The following NTRK3 variants were observed in gnomAD, a reference collection of about 807,000 sequenced individuals.
NTRK3 encodes the protein neurotrophic receptor tyrosine kinase 3.
Under a neutral mutation model 91.7 loss-of-function variants are expected in NTRK3, and 24 were observed. The ratio of observed to expected loss-of-function variants is 0.26; its 90% confidence interval spans 0.19 to 0.37. NTRK3 has a LOEUF of 0.37. Ranked by LOEUF, NTRK3 falls within the 10% of genes least tolerant of loss-of-function variation. NTRK3 has a pLI of 1.00. For synonymous variants in NTRK3, 483 were observed against 404.0 expected (o/e 1.20, Z -2.34); for missense variants, 880 against 1,068.9 (o/e 0.82, Z 2.46).
exon 19 of NTRK3, chr15:87,872,390 A>C (rs543175056): frequency 3.2e-4 from 73 of 225,660 alleles, no homozygotes; most frequent in Non-Finnish European, 5.2e-4. Context: ...AATAGTCTGC[A>C]ACTTAAGACG....
chr15:88,205,637 G>A (rs1181001986), intron 3 of NTRK3, among the ~76,000 whole-genome samples: 1 of 152,144 alleles, frequency 6.6e-6, no homozygotes, highest in Non-Finnish European at 1.5e-5. Context: ...CTGAACAAGG[G>A]CTATCCTAAG....
chr15:88,139,935 T>TG (rs1250512649), intron 6 of NTRK3, among the ~76,000 whole-genome samples: 10 of 21,178 alleles, frequency 4.7e-4, no homozygotes. Flanking sequence ...GGGGGGAGTG[T>TG]GGGGGGTGGG....
At chr15:88,128,856 G>A (rs1363810660) in intron 10 of NTRK3, 122 bp from the exon 11 acceptor site, 9 of 890,630 alleles carry the variant, frequency 1.0e-5, no homozygotes, top group South Asian at 2.7e-5. Flanking sequence ...CATGGCAACT[G>A]ACAAACTAAA....
At chr15:88,079,153 C>T (rs2047823510) in intron 13 of NTRK3, among the ~76,000 whole-genome samples, 1 of 152,178 alleles carries the variant, frequency 6.6e-6, no homozygotes, top group Non-Finnish European at 1.5e-5. Flanking sequence ...GTGGCAGGAA[C>T]TAGGTGGTAC....
chr15:88,002,572 T>A (rs921588699), intron 14 of NTRK3, among the ~76,000 whole-genome samples: 3 of 151,700 alleles, frequency 2.0e-5, no homozygotes, highest in African/African-American at 7.3e-5. Context: ...TTTTTGATCC[T>A]GGAATGGCAA....
chr15:88,088,594 A>C (rs183287713), intron 13 of NTRK3, among the ~76,000 whole-genome samples: 9 of 152,346 alleles, frequency 5.9e-5, no homozygotes, highest in Admixed American at 5.9e-4. Context: ...ACCAGCATAT[A>C]TATTACCATT....
chr15:87,900,473 T>C (rs1203867555), intron 17 of NTRK3, among the ~76,000 whole-genome samples: 1 of 152,208 alleles, frequency 6.6e-6, no homozygotes, highest in African/African-American at 2.4e-5. Context: ...TAGTGTGCCA[T>C]CCTGTGGTCT....
At chr15:88,105,997 C>G (rs1275064915) in intron 13 of NTRK3, among the ~76,000 whole-genome samples, 2 of 152,262 alleles carry the variant, frequency 1.3e-5, no homozygotes, top group African/African-American at 4.8e-5. Context: ...CCCGTAGTCA[C>G]TGCTTTCCGC....
chr15:88,056,222 C>A (rs2045681367), intron 13 of NTRK3, among the ~76,000 whole-genome samples: 1 of 134,750 alleles, frequency 7.4e-6, no homozygotes, highest in African/African-American at 2.7e-5. Context: ...TAATGTAGAA[C>A]CTTGATCATA....
intron 17 of NTRK3, among the ~76,000 whole-genome samples, chr15:87,891,020 T>G (rs76603736): frequency 0.059 from 8,999 of 152,304 alleles, 341 homozygotes; most frequent in Non-Finnish European, 0.085. Flanking sequence ...TTCTTTAATT[T>G]TATGTTTGTG....
chr15:87,931,511 T>C (rs575225554), intron 16 of NTRK3, among the ~76,000 whole-genome samples: 9 of 152,220 alleles, frequency 5.9e-5, no homozygotes, highest in African/African-American at 9.6e-5. Context: ...CAGTTATTAA[T>C]AGTCGTGTTT....
intron 15 of NTRK3, 75 bp downstream of exon 15, chr15:87,940,548 G>C (rs2142015600): frequency 6.2e-7 from 1 of 1,606,226 alleles, no homozygotes; most frequent in South Asian, 1.1e-5. Context: ...TTCTCAAATG[G>C]AGGGAGCCTC....
exon 19 of NTRK3, chr15:87,866,588 G>A (rs905593820): frequency 1.7e-5 from 3 of 181,206 alleles, no homozygotes; most frequent in African/African-American, 7.1e-5. Context: ...AGTAAATATG[G>A]TTATTTGTGT....
chr15:88,089,712 C>T (rs1213557888), intron 13 of NTRK3, among the ~76,000 whole-genome samples: 1 of 152,184 alleles, frequency 6.6e-6, no homozygotes, highest in East Asian at 1.9e-4. Context: ...TTGAGCAGGG[C>T]ACAACCTGTG....
intron 14 of NTRK3, among the ~76,000 whole-genome samples, chr15:88,007,432 C>A (rs2076572417): frequency 6.6e-6 from 1 of 152,118 alleles, no homozygotes; most frequent in Non-Finnish European, 1.5e-5. Context: ...ATAGGACAAC[C>A]TTTTTCACAA....
intron 13 of NTRK3, among the ~76,000 whole-genome samples, chr15:88,043,956 C>T (rs753971920): frequency 6.6e-6 from 1 of 152,158 alleles, no homozygotes; most frequent in African/African-American, 2.4e-5. Context: ...CCCAGTATTT[C>T]TAAGTACACA....
At position 88,243,155 on chromosome 15, in the gene NTRK3, T is replaced by C. The variant is rs1326239139; in HGVS notation, c.248+12751A>G. On this transcript the variant is annotated intron_variant, in intron 3 of 18. Transcript: ENST00000394480. The surrounding 1 kb of genome is among the most constrained non-coding windows in gnomAD (Gnocchi z 4.8). ...GCTCCTGAGTGCCTCAAAGACAAGG[T>C]TTCTGCCAAGAGAATAAAATTGCAC... 1.3e-5 allele frequency among the ~76,000 whole-genome samples: 2 copies of C among 152,140 alleles called. No homozygotes were observed. The highest frequency in any genetic ancestry group is 2.4e-5 in the African/African-American group (1 of 41,420).
At chr15:87,998,448 T>C (rs2075862819) in intron 14 of NTRK3, among the ~76,000 whole-genome samples, 1 of 152,258 alleles carries the variant, frequency 6.6e-6, no homozygotes, top group Non-Finnish European at 1.5e-5. Context: ...TATGGGGCAG[T>C]GGCGATGCCA....
At chr15:87,913,502 C>A in intron 17 of NTRK3, among the ~76,000 whole-genome samples, 1 of 152,146 alleles carries the variant, frequency 6.6e-6, no homozygotes, top group Non-Finnish European at 1.5e-5. Flanking sequence ...CTGATCACCA[C>A]TTTTTCACTG....
Sources: gnomAD v4.1 joint callset for allele counts (sites outside exome capture counted in the v4.1 genomes callset) on GRCh38, gnomAD v4.1.1 for gene constraint, Gnocchi (gnomAD v3.1) non-coding constraint, MANE v1.5 for transcripts, NCBI Gene and HGNC (gene_info 2026-07-23, HGNC 2026-07-21) for gene names.